CELF2: variants seen among roughly 807,000 people sequenced by gnomAD.
The protein encoded by CELF2 is CUGBP Elav-like family member 2.
A neutral mutation model predicts 62.6 loss-of-function variants in CELF2; 8 were observed. The observed-to-expected ratio is 0.13, with a 90% CI of 0.07 to 0.23. CELF2 has a LOEUF of 0.23. Among genes scored for constraint, CELF2 ranks in the 10% least tolerant of loss-of-function variants. The pLI is 1.00. For synonymous variants in CELF2, 258 were observed against 250.0 expected (o/e 1.03, Z -0.30); for missense variants, 333 against 671.0 (o/e 0.50, Z 5.56).
the CELF2 span, among the ~76,000 whole-genome samples, chr10:10,723,603 C>A: frequency 2.0e-5 from 3 of 152,154 alleles, no homozygotes; most frequent in Admixed American, 6.5e-5. Flanking sequence ...GTACACAGTT[C>A]CTCATTTTTT....
the CELF2 span, among the ~76,000 whole-genome samples, chr10:10,720,754 T>C: frequency 6.6e-6 from 1 of 152,266 alleles, no homozygotes; most frequent in African/African-American, 2.4e-5. Context: ...TCTCTTGGTT[T>C]GGACCCAAGT....
At chr10:10,627,058 T>A in the CELF2 span, among the ~76,000 whole-genome samples, 1 of 151,014 alleles carries the variant, frequency 6.6e-6, no homozygotes, top group Admixed American at 6.6e-5. Context: ...AAGAAGAAAT[T>A]TGTCAGAGAA....
At chr10:10,506,670 A>ATTT in the CELF2 span, among the ~76,000 whole-genome samples, 9,619 of 64,046 alleles carry the variant, frequency 0.15, 3,035 homozygotes, top group East Asian at 0.4. Flanking sequence ...CCTCCTGTGA[A>ATTT]TTTTTTTTTT....
At chr10:10,733,166 C>T in the CELF2 span, among the ~76,000 whole-genome samples, 4 of 152,060 alleles carry the variant, frequency 2.6e-5, no homozygotes, top group African/African-American at 9.7e-5. Flanking sequence ...TCGGCCCCCA[C>T]ATTCTACCTG....
the CELF2 span, among the ~76,000 whole-genome samples, chr10:10,786,095 C>G: frequency 3.3e-5 from 5 of 151,944 alleles, no homozygotes; most frequent in East Asian, 5.8e-4. Context: ...ATAAATAAAA[C>G]AAAAGGTCTA....
chr10:10,659,936 A>G, the CELF2 span, among the ~76,000 whole-genome samples: 1 of 152,162 alleles, frequency 6.6e-6, no homozygotes, highest in Non-Finnish European at 1.5e-5. Flanking sequence ...GAGAGGCACA[A>G]GGGTCAGAGA....
chr10:11,251,039 G>GT (rs1229581570), intron 4 of CELF2, among the ~76,000 whole-genome samples: 3 of 152,132 alleles, frequency 2.0e-5, no homozygotes, highest in Non-Finnish European at 2.9e-5. Flanking sequence ...GATGAATCCT[G>GT]TTGGTACAAG....
chr10:10,476,527 G>T, the CELF2 span, among the ~76,000 whole-genome samples: 2 of 152,052 alleles, frequency 1.3e-5, no homozygotes, highest in Non-Finnish European at 2.9e-5. Context: ...GTATTTGGAT[G>T]GTAGCTATGC....
chr10:10,544,414 C>T, the CELF2 span, among the ~76,000 whole-genome samples: 2 of 152,374 alleles, frequency 1.3e-5, no homozygotes, highest in East Asian at 1.9e-4. Context: ...TCAGTTACTA[C>T]TTAGAGAAGT....
chr10:10,602,538 C>G, the CELF2 span, among the ~76,000 whole-genome samples: 1 of 152,148 alleles, frequency 6.6e-6, no homozygotes, highest in Non-Finnish European at 1.5e-5. Context: ...TTTATATTTA[C>G]GCAAAGTCAT....
At chr10:11,026,800 C>G (rs1017940236) in intron 1 of CELF2, among the ~76,000 whole-genome samples, 6 of 152,186 alleles carry the variant, frequency 3.9e-5, no homozygotes, top group Admixed American at 3.9e-4. Context: ...GTTGGAGCCT[C>G]GGGAGGAGAG....
chr10:11,102,032 A>C (rs1384146985), intron 1 of CELF2: 2 of 152,196 alleles, frequency 1.3e-5, no homozygotes, highest in Non-Finnish European at 2.9e-5. Context: ...ATGGGCCTTT[A>C]CTGAACTAAT....
At chr10:10,987,234 T>C (rs746246048) in intron 2 of CELF2, among the ~76,000 whole-genome samples, 2 of 150,576 alleles carry the variant, frequency 1.3e-5, no homozygotes, top group Non-Finnish European at 2.9e-5. Flanking sequence ...AGTGAAAACA[T>C]TGTAACAGCT....
At chr10:10,686,316 G>T in the CELF2 span, among the ~76,000 whole-genome samples, 2 of 70,550 alleles carry the variant, frequency 2.8e-5, no homozygotes, top group Admixed American at 2.4e-4. Flanking sequence ...TTTTTGGGGG[G>T]GGGGGTGGGG....
At chr10:11,099,951 A>G (rs1426609086) in intron 1 of CELF2, among the ~76,000 whole-genome samples, 1 of 151,230 alleles carries the variant, frequency 6.6e-6, no homozygotes, top group African/African-American at 2.4e-5. Flanking sequence ...CCATAATCCC[A>G]GCACTTTGGG....
chr10:10,471,096 T>C, the CELF2 span, among the ~76,000 whole-genome samples: 1 of 151,744 alleles, frequency 6.6e-6, no homozygotes, highest in African/African-American at 2.4e-5. Context: ...TGATTTTTAA[T>C]TTAATCGCAT....
At position 10,950,208 on chromosome 10, in the gene CELF2, G is replaced by A. The variant is rs77299341; in HGVS notation, c.89+30209G>A. ...CTGGGAAAGGGCCAGGGCCTGAACC[G>A]TGGTTTCTGAATCTTGGAGTTGCTA... On this transcript the variant is annotated intron_variant, in intron 2 of 13. Coordinates refer to the CELF2 transcript ENST00000636488. Among the ~76,000 whole-genome samples, 14 of 152,290 alleles carry A rather than the reference G, an allele frequency of 9.2e-5. No homozygotes were observed. The East Asian group carries it at 9.7e-4, about 11-fold the overall frequency.
At chr10:11,308,776 C>T (rs377606603) in intron 9 of CELF2, among the ~76,000 whole-genome samples, 51 of 152,208 alleles carry the variant, frequency 3.4e-4, no homozygotes, top group African/African-American at 1.2e-3. Flanking sequence ...CATCACTTTC[C>T]TACTGAAAGT....
At position 11,156,555 on chromosome 10, in the gene CELF2, C is replaced by T. The variant is rs2064442225; in HGVS notation, c.75-8931C>T. On this transcript the variant is annotated intron_variant, in intron 1 of 12. Transcript: ENST00000633077. The surrounding 1 kb of genome is among the most constrained non-coding windows in gnomAD (Gnocchi z 4.3). ...TACTTATTTGCCTATTTCATGCCCA[C>T]TCTAGAATATAACTCCGTGAAGACT... is the stretch of plus-strand genomic sequence containing the variant. 6.6e-6 allele frequency among the ~76,000 whole-genome samples: 1 copy of T among 152,186 alleles called. No homozygotes were observed. The highest frequency in any genetic ancestry group is 2.4e-5 in the African/African-American group (1 of 41,434).
Sources: gnomAD v4.1 joint callset for allele counts (sites outside exome capture counted in the v4.1 genomes callset) on GRCh38, gnomAD v4.1.1 for gene constraint, Gnocchi (gnomAD v3.1) non-coding constraint, MANE v1.5 for transcripts, NCBI Gene and HGNC (gene_info 2026-07-23, HGNC 2026-07-21) for gene names.